Variants in DNAH5 observed in about 807,000 individuals in gnomAD.
DNAH5 encodes axonemal beta dynein heavy chain 5.
A neutral mutation model predicts 518.2 loss-of-function variants in DNAH5; 372 were observed. The observed-to-expected ratio is 0.72, with a 90% CI of 0.66 to 0.78. The LOEUF (loss-of-function observed/expected upper bound fraction) is 0.78. DNAH5 is among the 30% of genes least tolerant of loss of function. The probability of loss-of-function intolerance (pLI) is 0.00; values close to 1 mark genes in which losing one functional copy is unlikely to be tolerated. For synonymous variants in DNAH5, 2,039 were observed against 2,025.9 expected (o/e 1.01, Z -0.17); for missense variants, 5,523 against 5,687.0 (o/e 0.97, Z 0.93).
At chr5:13,924,950 G>A (rs1157526535) in intron 3 of DNAH5, among the ~76,000 whole-genome samples, 1 of 152,136 alleles carries the variant, frequency 6.6e-6, no homozygotes, top group Admixed American at 6.6e-5. Flanking sequence ...GCTCAATCAG[G>A]ATCACTGCAG....
intron 65 of DNAH5, among the ~76,000 whole-genome samples, chr5:13,737,722 C>G (rs934283046): frequency 3.3e-5 from 5 of 149,966 alleles, no homozygotes; most frequent in East Asian, 2.0e-4. Flanking sequence ...GTCGAAAGTT[C>G]GAGACTAGCC....
rs201484389 is a variant in DNAH5 at position 13,844,912 on chromosome 5, C to T, written c.5196G>A (p.Ala1732=). ...DPALLEILGQ[A]SDSHTIQAHL... ...GGGCCTGTATAGTGTGGGAGTCCGA[C>T]GCCTGCCCCAGAATCTCTAGAAGGG... The change falls in exon 32 of 79, where the codon GCG becomes GCA. Residue 1732 remains alanine, a synonymous_variant. Transcript: ENST00000265104. 6.8e-6 allele frequency: 11 copies of T among 1,614,030 alleles called. No homozygotes were observed. The highest frequency in any genetic ancestry group is 1.6e-4 in the Middle Eastern group (1 of 6,084).
chr5:13,919,827 T>C (rs1042929361), intron 6 of DNAH5, among the ~76,000 whole-genome samples: 3 of 152,202 alleles, frequency 2.0e-5, no homozygotes, highest in African/African-American at 7.2e-5. Context: ...TAATTAGCCA[T>C]TGAAAGTAAT....
At chr5:13,844,719 A>G (rs888652606) in intron 32 of DNAH5, 118 bp downstream of exon 32, 6 of 1,318,342 alleles carry the variant, frequency 4.6e-6, no homozygotes, top group Non-Finnish European at 5.5e-6. Context: ...GTCACTGGCC[A>G]AGAGCTAATG....
At chr5:13,842,433 A>AGAGAGAGAGAGAGAGAGAGAG (rs1561407131) in intron 32 of DNAH5, among the ~76,000 whole-genome samples, 3 of 61,862 alleles carry the variant, frequency 4.8e-5, no homozygotes, top group African/African-American at 1.9e-4. Context: ...AAAAGAAAGA[A>AGAGAGAGAGAGAGAGAGAGAG]AGAAAGAAAG....
chr5:13,756,467 A>T (rs1751012818), intron 61 of DNAH5, among the ~76,000 whole-genome samples: 1 of 152,194 alleles, frequency 6.6e-6, no homozygotes, highest in East Asian at 1.9e-4. Flanking sequence ...AAAAACAATA[A>T]AGCTTGCTGA....
intron 3 of DNAH5, among the ~76,000 whole-genome samples, chr5:13,924,162 C>T (rs1304776995): frequency 1.3e-5 from 2 of 152,166 alleles, no homozygotes; most frequent in African/African-American, 4.8e-5. Context: ...CCCACTTCCC[C>T]ATGCTGTCCC....
chr5:13,737,433 C>T lies in DNAH5; in HGVS notation c.11274G>A (p.Lys3758=), dbSNP rs1208620386. Reference sequence around the variant, plus strand: ...GGTAAAGCAAGTTATCTTCTAGTTCCTTCATCCTTCTTTTGTTTGCAGTTA... The same window carrying T: ...GGTAAAGCAAGTTATCTTCTAGTTCTTTCATCCTTCTTTTGTTTGCAGTTA... ...EDVTANKRRM[K]ELEDNLLYRL... is the part of the protein sequence containing the mutation. Residue 3758 remains lysine, a synonymous_variant, in exon 66 of 79, where the codon AAG becomes AAA. Coordinates refer to ENST00000265104, the MANE Select transcript of DNAH5 (RefSeq NM_001369.3). The T allele has an allele frequency of 1.2e-6, 2 of 1,614,106 alleles. No homozygotes were observed. Among genetic ancestry groups the T allele is most frequent in the Non-Finnish European group, 1.7e-6 (2 of 1,179,980 alleles).
intron 49 of DNAH5, among the ~76,000 whole-genome samples, 169 bp from the exon 50 acceptor site, chr5:13,792,386 A>G (rs1292947703): frequency 6.6e-6 from 1 of 152,216 alleles, no homozygotes; most frequent in African/African-American, 2.4e-5. Context: ...AATACAGTAT[A>G]ACAAAAAATA....
chr5:13,766,013 T>C lies in DNAH5; in HGVS notation c.10064A>G (p.Lys3355Arg). The C allele has an allele frequency of 6.2e-7, 1 of 1,614,188 alleles. No individual in the cohort carries two copies. Among genetic ancestry groups the C allele is most frequent in the South Asian group, 1.1e-5 (1 of 91,086 alleles). Residue 3355 changes from lysine to arginine, a missense_variant, in exon 59 of 79, where the codon AAA (lysine) becomes AGA (arginine). Lys to Arg is a conservative substitution (Grantham distance 26). This residue lies in a region of DNAH5 where 5,121 missense variants were observed against 5,223.3 expected (regional missense o/e 0.98). Coordinates refer to ENST00000265104, the MANE Select transcript of DNAH5 (RefSeq NM_001369.3). ...TAAAAAGTTCCCTGCAGTCATCAATTTTAAGGATTCCTGCCAGGAGGGCAT... is the reference window on the plus strand; with the variant it reads ...TAAAAAGTTCCCTGCAGTCATCAATCTTAAGGATTCCTGCCAGGAGGGCAT... Reference protein sequence around the residue: ...CTMPSWQESLKLMTAGNFLQN... With the variant: ...CTMPSWQESLRLMTAGNFLQN...
chr5:13,767,670 G>T (rs1480459416), intron 58 of DNAH5, among the ~76,000 whole-genome samples: 1 of 152,166 alleles, frequency 6.6e-6, no homozygotes, highest in East Asian at 1.9e-4. Flanking sequence ...CAAACAGCAT[G>T]GTGCTCAGCT....
At chr5:13,749,992 C>T (rs947770473) in intron 65 of DNAH5, among the ~76,000 whole-genome samples, 12 of 152,130 alleles carry the variant, frequency 7.9e-5, no homozygotes, top group Non-Finnish European at 1.2e-4. Context: ...GGATTAAATG[C>T]TCCTAATGCA....
intron 46 of DNAH5, among the ~76,000 whole-genome samples, chr5:13,808,417 C>T (rs903378985): frequency 6.6e-6 from 1 of 152,104 alleles, no homozygotes; most frequent in African/African-American, 2.4e-5. Context: ...GTTTAGGCCA[C>T]CTAGGCTGCG....
intron 63 of DNAH5, 149 bp from the exon 64 acceptor site, chr5:13,752,438 T>A: frequency 1.1e-6 from 1 of 921,780 alleles, no homozygotes. Flanking sequence ...ACAAAACTTG[T>A]TGAGAGCCCA....
In DNAH5 at chr5:13,841,698, A is replaced by G; in HGVS notation, c.5478T>C (p.Pro1826=). Residue 1826 remains proline (P), a synonymous_variant, in exon 33 of 79, where the codon CCT becomes CCC. Coordinates refer to ENST00000265104, the MANE Select transcript of DNAH5 (RefSeq NM_001369.3). ...FQLTEFLSSF[P]AQVGLLGIQM... ...CAAATTTCAATACACTGACCTGAGC[A>G]GGGAAGGATGAAAGAAATTCAGTTA... 1 of 1,610,568 alleles carries G rather than the reference A, an allele frequency of 6.2e-7. No individual in the cohort carries two copies. The highest frequency in any genetic ancestry group is 8.5e-7 in the Non-Finnish European group (1 of 1,176,774).
At chr5:13,946,156 G>A (rs1779895455), upstream of DNAH5, among the ~76,000 whole-genome samples, 1 of 152,172 alleles carries the variant, frequency 6.6e-6, no homozygotes, top group Non-Finnish European at 1.5e-5. Flanking sequence ...TCTTTCATTA[G>A]TTACATTTGA....
At chr5:13,994,356 G>A (rs1422250884) in intron 1 of DNAH5, among the ~76,000 whole-genome samples, 1 of 152,130 alleles carries the variant, frequency 6.6e-6, no homozygotes, top group Admixed American at 6.5e-5. Context: ...TATTTACACT[G>A]ACCTAGAAGA....
chr5:13,963,949 T>C (rs1329823711), intron 1 of DNAH5, among the ~76,000 whole-genome samples: 1 of 152,150 alleles, frequency 6.6e-6, no homozygotes, highest in Non-Finnish European at 1.5e-5. Flanking sequence ...ATCACAGGCA[T>C]CCACCCCTGC....
intron 7 of DNAH5, 113 bp downstream of exon 7, chr5:13,919,063 T>C (rs1776962355): frequency 1.5e-6 from 2 of 1,328,536 alleles, no homozygotes; most frequent in East Asian, 2.3e-5. Context: ...ATTTTAAATG[T>C]TTTTCATCAA....
Sources: gnomAD v4.1 joint callset for allele counts (sites outside exome capture counted in the v4.1 genomes callset) on GRCh38, gnomAD v4.1.1 for gene constraint, gnomAD v4.1.1 regional missense constraint, MANE v1.5 for transcripts, NCBI Gene and HGNC (gene_info 2026-07-23, HGNC 2026-07-21) for gene names.